Variants in COL4A5 observed in about 807,000 individuals in gnomAD.
COL4A5 encodes collagen type IV alpha 5 chain.
Under a neutral mutation model 130.2 loss-of-function variants are expected in COL4A5, and 26 were observed. That is an observed-to-expected ratio of 0.20 (90% CI 0.15 to 0.28). The LOEUF (loss-of-function observed/expected upper bound fraction) is 0.28, where lower values mean the gene tolerates loss of function less well. COL4A5 is among the 10% of genes least tolerant of loss of function. The probability of loss-of-function intolerance (pLI) is 1.00; values close to 1 mark genes in which losing one functional copy is unlikely to be tolerated. For missense variants in COL4A5, 1,131 were observed against 1,344.3 expected, an observed-to-expected ratio of 0.84 and a Z score of 2.48; for synonymous variants, 496 against 439.6, an observed-to-expected ratio of 1.13 and a Z score of -1.60.
intron 36 of COL4A5, chrX:108,627,766 C>G (rs1341888653): frequency 7.3e-6 from 1 of 137,429 alleles, no homozygotes; most frequent in Admixed American, 9.6e-5. Flanking sequence ...TCCAGGGTAA[C>G]CACTTTTAGT....
chrX:108,528,185 T>G (rs1037747123), intron 1 of COL4A5, among the ~76,000 whole-genome samples: 2 of 111,949 alleles, frequency 1.8e-5, no homozygotes, highest in Non-Finnish European at 3.8e-5. Context: ...ACACCTGTTG[T>G]TCCAGTCCCC....
chrX:108,440,710 G>C (rs142964783), intron 1 of COL4A5, among the ~76,000 whole-genome samples: 175 of 111,637 alleles, frequency 1.6e-3, no homozygotes, highest in African/African-American at 5.5e-3. Flanking sequence ...TTAAGCAACA[G>C]GAACCTACCC....
chrX:108,522,167 T>C (rs1378988161), intron 1 of COL4A5, among the ~76,000 whole-genome samples: 2 of 111,336 alleles, frequency 1.8e-5, no homozygotes, highest in Non-Finnish European at 1.9e-5. Context: ...CAAATAATAT[T>C]ATATTGTATG....
Position 108,696,497 on chromosome X carries a change from T to C in COL4A5, c.*119T>C. 4 of 522,226 alleles carry C rather than the reference T, an allele frequency of 7.7e-6. No homozygotes were observed. Among genetic ancestry groups the C allele is most frequent in the Non-Finnish European group, 1.3e-5 (4 of 307,622 alleles). The allele number at this position is 522,226 out of a possible 1,213,427, so 43.0% of individuals were successfully genotyped here. On this transcript the variant is annotated 3_prime_UTR_variant, in exon 53 of 53. Transcript: ENST00000328300. The stretch of plus-strand genomic sequence containing the variant: ...TGCTGCCGTCAATGGTGCTACTATA[T>C]ATGATCAAGATAACATGCTGACTAG...
intron 1 of COL4A5, among the ~76,000 whole-genome samples, chrX:108,512,902 C>T (rs952465568): frequency 2.7e-5 from 3 of 111,176 alleles, no homozygotes; most frequent in African/African-American, 9.8e-5. Flanking sequence ...AGCCTGGGAG[C>T]GCTATGGGAG....
At chrX:108,514,659 T>C (rs1245747107) in intron 1 of COL4A5, among the ~76,000 whole-genome samples, 1 of 112,138 alleles carries the variant, frequency 8.9e-6, no homozygotes, top group Non-Finnish European at 1.9e-5. Context: ...TTAGATAGAC[T>C]AGTAAGGTTA....
At chrX:108,637,853 CTTT>C (rs780689078) in intron 36 of COL4A5, among the ~76,000 whole-genome samples, 2 of 100,236 alleles carry the variant, frequency 2.0e-5, no homozygotes. Context: ...TTCTACCAAT[CTTT>C]TTTTTTTTTT....
chrX:108,577,981 A>G lies in COL4A5; in HGVS notation c.639A>G (p.Gly213=), dbSNP rs2147770243. 1 of 1,204,415 alleles carries G rather than the reference A, an allele frequency of 8.3e-7. No homozygotes were observed. ...MGPPGPPGLP[G]PKGNMGLNFQ... is the part of the protein sequence containing the mutation. ...CTCCTGGTCCACCAGGACTTCCAGG[A>G]CCTAAGGTAATTTTCTTTTTCTTTA... is the stretch of plus-strand genomic sequence containing the variant. The change falls in exon 11 of 53, where the codon GGA becomes GGG. Residue 213 remains glycine (G), a synonymous_variant. Coordinates refer to ENST00000328300, the MANE Select transcript of COL4A5 (RefSeq NM_033380.3).
At chrX:108,673,256 C>A (rs2068239840) in intron 42 of COL4A5, among the ~76,000 whole-genome samples, 1 of 111,280 alleles carries the variant, frequency 9.0e-6, no homozygotes, top group African/African-American at 3.3e-5. Context: ...AGGTAAAAAA[C>A]CATACTCAGA....
chrX:108,592,399 A>C lies in COL4A5; in HGVS notation c.1423+755A>C, dbSNP rs2066451395. On this transcript the variant is annotated intron_variant, in intron 21 of 52. Coordinates refer to ENST00000328300, the MANE Select transcript of COL4A5 (RefSeq NM_033380.3). ...TATTCAGTCATTCCAAGGAGCATAC[A>C]AATATGCTTTTTTCACCTATCTAAA... 1.8e-5 allele frequency among the ~76,000 whole-genome samples: 2 copies of C among 111,279 alleles called. 1 individual carries two copies. Among genetic ancestry groups the C allele is most frequent in the South Asian group, 7.5e-4 (2 of 2,661 alleles).
At chrX:108,615,135 A>C (rs920333203) in intron 30 of COL4A5, 111 bp downstream of exon 30, 15 of 560,499 alleles carry the variant, frequency 2.7e-5, no homozygotes, top group Non-Finnish European at 4.3e-5. Flanking sequence ...CTTAAAAGGC[A>C]ATCTATCTAT....
intron 1 of COL4A5, among the ~76,000 whole-genome samples, chrX:108,494,213 A>T (rs1182309572): frequency 9.0e-6 from 1 of 111,632 alleles, no homozygotes; most frequent in African/African-American, 3.2e-5. Context: ...TGAATAAAAG[A>T]TGCTTCTTTC....
intron 2 of COL4A5, among the ~76,000 whole-genome samples, chrX:108,548,246 G>A (rs185053609): frequency 9.0e-4 from 101 of 111,885 alleles, no homozygotes; most frequent in African/African-American, 3.2e-3. Context: ...CAGCCATCTT[G>A]GAACCACCCA....
intron 1 of COL4A5, among the ~76,000 whole-genome samples, chrX:108,474,017 C>A (rs1047180881): frequency 1.8e-5 from 2 of 110,995 alleles, no homozygotes; most frequent in African/African-American, 6.6e-5. Context: ...TAAAACAATT[C>A]TAAAAAGTTT....
At position 108,626,318 on chromosome X, in the gene COL4A5, G is replaced by A. The variant is rs2067153540; in HGVS notation, c.3215G>A (p.Ser1072Asn). The A allele has an allele frequency of 8.3e-7, 1 of 1,209,217 alleles. No individual in the cohort carries two copies. ...KGDKGDPGIS[S>N]IGLPGLPGPK... ...GACAAAGGTGATCCTGGTATTTCAA[G>A]CATTGGTCTTCCAGGTCTTCCTGGT... The change falls in exon 36 of 53, where the codon AGC becomes AAC. Residue 1072 changes from serine (S) to asparagine (N), a missense_variant. Coordinates refer to ENST00000328300, the MANE Select transcript of COL4A5 (RefSeq NM_033380.3).
chrX:108,559,251 C>G (rs1034627957), intron 3 of COL4A5, 98 bp downstream of exon 3: 20 of 622,257 alleles, frequency 3.2e-5, no homozygotes, highest in Non-Finnish European at 5.5e-5. Flanking sequence ...TGAATTATAG[C>G]AAGAAACTAA....
At chrX:108,536,546 T>C (rs1471704571) in intron 1 of COL4A5, among the ~76,000 whole-genome samples, 1 of 111,379 alleles carries the variant, frequency 9.0e-6, no homozygotes, top group Non-Finnish European at 1.9e-5. Flanking sequence ...GTACTTAATG[T>C]TCATTTTACT....
rs371110832 is a variant in COL4A5, at chrX:108,666,591, C to A, written c.3550C>A (p.Pro1184Thr). Residue 1184 changes from proline to threonine, a missense_variant, in exon 39 of 53, where the codon CCA (proline) becomes ACA (threonine). Physicochemically the swap from Pro to Thr is conservative, Grantham distance 38. Coordinates refer to ENST00000328300, the MANE Select transcript of COL4A5 (RefSeq NM_033380.3). ...TGGACCAGCTGGACAGAAGGGTGAA[C>A]CAGGTGCTGTAGTTTTTCATTTTTC... ...IPGPAGQKGE[P>T]GQPGFGNPGP... 9 of 1,195,763 alleles carry A rather than the reference C, an allele frequency of 7.5e-6. No individual in the cohort carries two copies. The highest frequency in any genetic ancestry group is 1.0e-5 in the Non-Finnish European group (9 of 884,825).
chrX:108,679,571 AT>A (rs1176738944), intron 44 of COL4A5, among the ~76,000 whole-genome samples: 5 of 111,402 alleles, frequency 4.5e-5, no homozygotes, highest in African/African-American at 9.8e-5. Flanking sequence ...CCCTCCAACT[AT>A]TTTTTTAGCA....
Sources: allele counts gnomAD v4.1 joint callset (sites outside exome capture counted in the v4.1 genomes callset), GRCh38; gene constraint gnomAD v4.1.1; transcripts MANE v1.5; gene names NCBI Gene and HGNC (gene_info 2026-07-23, HGNC 2026-07-21).